The following ZDHHC11B variants were observed in gnomAD, a reference collection of about 807,000 sequenced individuals.
ZDHHC11B encodes probable palmitoyltransferase ZDHHC11B.
In ZDHHC11B, 17 loss-of-function variants were observed where a neutral mutation model predicts 42.3. That is an observed-to-expected ratio of 0.40 (90% CI 0.27 to 0.60). The LOEUF is 0.60. Ranked by LOEUF, ZDHHC11B falls within the 20% of genes least tolerant of loss-of-function variation. The probability of loss-of-function intolerance (pLI) is 0.41; values close to 1 mark genes in which losing one functional copy is unlikely to be tolerated. For synonymous variants in ZDHHC11B, 123 were observed against 193.5 expected (o/e 0.64, Z 3.02); for missense variants, 262 against 463.2 (o/e 0.57, Z 3.99).
At chr5:778,007 C>T (rs934053845) in intron 1 of ZDHHC11B, among the ~76,000 whole-genome samples, 1 of 152,002 alleles carries the variant, frequency 6.6e-6, no homozygotes, top group African/African-American at 2.4e-5. Context: ...TTGAGCATGG[C>T]GCAGGCGGGC....
At chr5:766,423 G>C (rs1172424206) in intron 4 of ZDHHC11B, among the ~76,000 whole-genome samples, 1 of 151,888 alleles carries the variant, frequency 6.6e-6, no homozygotes, top group Non-Finnish European at 1.5e-5. Context: ...ATGTGGGAGC[G>C]GTCTGACATA....
intron 7 of ZDHHC11B, 146 bp from the exon 8 acceptor site, chr5:748,705 T>C (rs3817056): frequency 0.04 from 40,556 of 1,016,868 alleles, 4,131 homozygotes; most frequent in East Asian, 0.25. Flanking sequence ...GTGGACACCT[T>C]CCTTACCTGA....
chr5:761,356 G>C (rs538347489), intron 4 of ZDHHC11B, among the ~76,000 whole-genome samples: 24 of 151,908 alleles, frequency 1.6e-4, no homozygotes, highest in African/African-American at 4.6e-4. Context: ...CAGCTCTGTG[G>C]GTCTGTGGAT....
chr5:749,414 G>A (rs1212592939), intron 7 of ZDHHC11B, among the ~76,000 whole-genome samples: 1 of 130,372 alleles, frequency 7.7e-6, no homozygotes, highest in Non-Finnish European at 1.7e-5. Flanking sequence ...TGGATTCAGT[G>A]TGGATGTCTT....
At chr5:778,298 G>C (rs1243775561) in intron 1 of ZDHHC11B, among the ~76,000 whole-genome samples, 2 of 151,534 alleles carry the variant, frequency 1.3e-5, no homozygotes, top group Non-Finnish European at 2.9e-5. Flanking sequence ...TCGGAGACTC[G>C]GCGGCTGCAG....
In ZDHHC11B at chr5:746,596, C is replaced by T. The variant is rs1224719837; in HGVS notation, c.785-1298G>A. Among the ~76,000 whole-genome samples the T allele has an allele frequency of 8.1e-5, 12 of 147,302 alleles. 1 individual carries two copies. Among genetic ancestry groups the T allele is most frequent in the Non-Finnish European group, 3.0e-5 (2 of 66,790 alleles). ...CAGACCAGGTCATCCCTCCCAGCCCCGCATGGCTTCAGGCCCACTGCACTT... is the reference window on the plus strand; with the variant it reads ...CAGACCAGGTCATCCCTCCCAGCCCTGCATGGCTTCAGGCCCACTGCACTT... On this transcript the variant is annotated intron_variant, in intron 8 of 13. Transcript: ENST00000508859.
chr5:754,320 C>T (rs1182016685), intron 6 of ZDHHC11B, among the ~76,000 whole-genome samples: 6 of 126,534 alleles, frequency 4.7e-5, no homozygotes, highest in African/African-American at 1.6e-4. Flanking sequence ...GAGCCTCCAC[C>T]ACGCTCAGGG....
chr5:758,422 A>T (rs1421117735), intron 4 of ZDHHC11B, among the ~76,000 whole-genome samples: 1 of 151,912 alleles, frequency 6.6e-6, no homozygotes, highest in African/African-American at 2.4e-5. Context: ...CGCACAAAGA[A>T]GCCCGCTGCC....
At chr5:721,754 C>T (rs405089) in intron 12 of ZDHHC11B, among the ~76,000 whole-genome samples, 1 of 151,808 alleles carries the variant, frequency 6.6e-6, no homozygotes, top group African/African-American at 2.4e-5. Context: ...AAGAGTGGGG[C>T]TAGTGACCAT....
At chr5:770,300 G>A (rs1231301768) in intron 1 of ZDHHC11B, among the ~76,000 whole-genome samples, 161 of 149,648 alleles carry the variant, frequency 1.1e-3, no homozygotes, top group African/African-American at 3.5e-3. Flanking sequence ...CCGCAGGCAC[G>A]CATGTCCAGC....
At chr5:713,363 C>T (rs1280310041) in intron 13 of ZDHHC11B, among the ~76,000 whole-genome samples, 1 of 151,948 alleles carries the variant, frequency 6.6e-6, no homozygotes, top group South Asian at 2.1e-4. Flanking sequence ...AAATAGTTTT[C>T]TGTTCTCTTC....
chr5:711,469 T>G lies in ZDHHC11B; in HGVS notation c.*821A>C, dbSNP rs1205300800. Reference sequence around the variant, plus strand: ...CCCATTTCCCAGTGCTGTATACTCCTATTTCCCAGTGCCATGTGCTTCCAT... The same window carrying G: ...CCCATTTCCCAGTGCTGTATACTCCGATTTCCCAGTGCCATGTGCTTCCAT... On this transcript the variant is annotated 3_prime_UTR_variant, in exon 14 of 14. Transcript: ENST00000508859. The G allele has an allele frequency of 6.8e-6, 1 of 147,606 alleles. No homozygotes were observed. Among genetic ancestry groups the G allele is most frequent in the Non-Finnish European group, 1.5e-5 (1 of 67,460 alleles). 9.1% of individuals were successfully genotyped at this position (147,606 alleles called of 1,614,324 possible).
chr5:720,175 C>A (rs187955344), intron 12 of ZDHHC11B, among the ~76,000 whole-genome samples: 1 of 151,788 alleles, frequency 6.6e-6, no homozygotes, highest in Admixed American at 6.6e-5. Flanking sequence ...AGGAGCTCAA[C>A]GAATTCCAAG....
At chr5:733,652 T>C (rs55778145) in intron 11 of ZDHHC11B, 100 bp downstream of exon 11, 225,807 of 984,026 alleles carry the variant, frequency 0.23, 20,648 homozygotes, top group South Asian at 0.35. Flanking sequence ...AGAGTGCTTC[T>C]ATTCTGAATA....
intron 4 of ZDHHC11B, among the ~76,000 whole-genome samples, chr5:757,173 A>C (rs1366138771): frequency 1.3e-5 from 2 of 151,830 alleles, no homozygotes; most frequent in Non-Finnish European, 2.9e-5. Context: ...TGGCTCCTGG[A>C]CCGCCTTCTA....
In ZDHHC11B at chr5:758,180, G is replaced by A. The variant is rs550022383; in HGVS notation, c.223-2036C>T. Reference sequence around the variant, plus strand: ...GGGAGCTCGTCTGGAGCCTTGGGACGCTATCGGTGGCAGCTGAGGACAATG... The same window carrying A: ...GGGAGCTCGTCTGGAGCCTTGGGACACTATCGGTGGCAGCTGAGGACAATG... On this transcript the variant is annotated intron_variant, in intron 4 of 13. Transcript: ENST00000508859. Among the ~76,000 whole-genome samples, 21 of 152,004 alleles carry A rather than the reference G, an allele frequency of 1.4e-4. No individual in the cohort carries two copies. In the East Asian group the frequency reaches 1.7e-3, roughly 13 times the overall value.
chr5:746,673 A>T (rs1318997900), intron 8 of ZDHHC11B, among the ~76,000 whole-genome samples: 1 of 150,298 alleles, frequency 6.7e-6, no homozygotes, highest in African/African-American at 2.4e-5. Context: ...CACAAGGGCC[A>T]GCCACACTTG....
intron 12 of ZDHHC11B, among the ~76,000 whole-genome samples, chr5:729,508 G>A (rs1742849254): frequency 6.7e-6 from 1 of 148,952 alleles, no homozygotes; most frequent in East Asian, 1.9e-4. Context: ...GTGAAGGCAG[G>A]AAGGAGGCTG....
At chr5:772,348 G>T (rs1477144816) in intron 1 of ZDHHC11B, among the ~76,000 whole-genome samples, 4 of 146,402 alleles carry the variant, frequency 2.7e-5, no homozygotes, top group African/African-American at 9.7e-5. Flanking sequence ...TGGGGGCCGT[G>T]GGGGAGAGGG....
Sources: allele counts gnomAD v4.1 joint callset (sites outside exome capture counted in the v4.1 genomes callset), GRCh38; gene constraint gnomAD v4.1.1; transcripts MANE v1.5; gene names NCBI Gene and HGNC (gene_info 2026-07-23, HGNC 2026-07-21).